The following TRPC5 variants were observed in gnomAD, a reference collection of about 807,000 sequenced individuals.
TRPC5 encodes short transient receptor potential channel 5.
A neutral mutation model predicts 56.5 loss-of-function variants in TRPC5; 9 were observed. That is an observed-to-expected ratio of 0.16 (90% CI 0.10 to 0.28). TRPC5 has a LOEUF of 0.28. TRPC5 is among the 10% of genes least tolerant of loss of function. TRPC5 has a pLI of 1.00. For synonymous variants in TRPC5, 282 were observed against 278.5 expected, an observed-to-expected ratio of 1.01 and a Z score of -0.13; for missense variants, 469 against 748.9, an observed-to-expected ratio of 0.63 and a Z score of 4.36.
At position 112,023,234 on chromosome X, in the gene TRPC5, G is replaced by GTTTTTTT. The variant is rs749260030; in HGVS notation, c.-22+58638_-22+58644dup. On this transcript the variant is annotated intron_variant, in intron 1 of 10. Transcript: ENST00000262839. The stretch of plus-strand genomic sequence containing the variant: ...CAGGCGTGAGCCACTGCGCCCAGCA[G>GTTTTTTT]TTTTTTTTTTTGTTTTTTTTTTTTT... Among the ~76,000 whole-genome samples the GTTTTTTT allele has an allele frequency of 3.9e-4, 18 of 45,959 alleles. 1 individual carries two copies. The highest frequency in any genetic ancestry group is 1.4e-3 in the African/African-American group (18 of 12,460). The allele number at this position is 45,959 out of a possible 115,157, so 39.9% of individuals were successfully genotyped here.
At chrX:111,809,897 G>T (rs993848145) in intron 7 of TRPC5, among the ~76,000 whole-genome samples, 36 of 105,321 alleles carry the variant, frequency 3.4e-4, no homozygotes, top group Middle Eastern at 4.7e-3. Flanking sequence ...TTTTTTTGTT[G>T]TTGTTGTTGT....
In TRPC5 at chrX:111,917,722, C is replaced by T. The variant is rs148879063; in HGVS notation, c.379-4910G>A. ...ATCAGCCTCTGCCTGCCCTTGTTTC[C>T]TCACAAGTGGCTCCACCTATCTACT... On this transcript the variant is annotated intron_variant, in intron 2 of 10. Coordinates refer to ENST00000262839, the MANE Select transcript of TRPC5 (RefSeq NM_012471.3). Among the ~76,000 whole-genome samples, 590 of 112,333 alleles carry T rather than the reference C, an allele frequency of 5.3e-3. 6 individuals are homozygous for T. The highest frequency in any genetic ancestry group is 0.018 in the African/African-American group (552 of 30,930).
intron 7 of TRPC5, among the ~76,000 whole-genome samples, chrX:111,817,557 C>T (rs1312442804): frequency 9.1e-6 from 1 of 110,135 alleles, no homozygotes; most frequent in Non-Finnish European, 1.9e-5. Context: ...AACTCCTGAC[C>T]TCGTGATCTG....
chrX:112,030,901 A>G (rs1929570396), intron 1 of TRPC5, among the ~76,000 whole-genome samples: 1 of 111,053 alleles, frequency 9.0e-6, no homozygotes, highest in Non-Finnish European at 1.9e-5. Context: ...GGTATTTTAT[A>G]TCTATCTCAC....
At chrX:111,910,570 C>T (rs772255008) in intron 3 of TRPC5, among the ~76,000 whole-genome samples, 11 of 112,489 alleles carry the variant, frequency 9.8e-5, no homozygotes, top group Non-Finnish European at 2.1e-4. Flanking sequence ...CTCACTCTAT[C>T]GCCCAGGCTG....
chrX:112,068,359 A>G (rs1325129943), intron 1 of TRPC5, among the ~76,000 whole-genome samples: 2 of 112,565 alleles, frequency 1.8e-5, no homozygotes, highest in Non-Finnish European at 1.9e-5. Flanking sequence ...GGTAGCAGGC[A>G]TTGTATGCAT....
intron 6 of TRPC5, among the ~76,000 whole-genome samples, chrX:111,844,330 T>A (rs1240374400): frequency 9.0e-6 from 1 of 111,374 alleles, no homozygotes; most frequent in African/African-American, 3.3e-5. Context: ...AGGCCACGTA[T>A]TCCCAGTATG....
intron 7 of TRPC5, among the ~76,000 whole-genome samples, chrX:111,808,082 C>T (rs1429650035): frequency 9.1e-6 from 1 of 109,711 alleles, no homozygotes; most frequent in Admixed American, 9.8e-5. Context: ...AGACCTGAAA[C>T]CAGCACAGCA....
chrX:111,962,442 A>G (rs925340855), intron 1 of TRPC5, among the ~76,000 whole-genome samples: 2 of 112,397 alleles, frequency 1.8e-5, no homozygotes, highest in African/African-American at 6.5e-5. Context: ...GAACCCTTCA[A>G]ATGATGGCCT....
intron 3 of TRPC5, among the ~76,000 whole-genome samples, chrX:111,877,070 T>C (rs1923983485): frequency 8.9e-6 from 1 of 111,759 alleles, no homozygotes; most frequent in Admixed American, 9.6e-5. Flanking sequence ...CTTTGCAGTT[T>C]GGAAGATGAA....
At chrX:111,984,113 T>C (rs555189496) in intron 1 of TRPC5, among the ~76,000 whole-genome samples, 2 of 111,637 alleles carry the variant, frequency 1.8e-5, no homozygotes, top group East Asian at 5.7e-4. Context: ...CAGTCTCTAC[T>C]AAGGCCCAGT....
At chrX:111,990,836 T>G (rs1928334665) in intron 1 of TRPC5, among the ~76,000 whole-genome samples, 1 of 111,931 alleles carries the variant, frequency 8.9e-6, no homozygotes, top group Admixed American at 9.5e-5. Flanking sequence ...ACTTCCATCT[T>G]TTGACAGAAA....
intron 6 of TRPC5, among the ~76,000 whole-genome samples, chrX:111,846,695 T>G (rs1478760297): frequency 8.9e-6 from 1 of 112,176 alleles, no homozygotes; most frequent in East Asian, 2.8e-4. Context: ...CCTTCCTTGA[T>G]TCACAATAGT....
At chrX:111,859,947 C>G (rs1253321032) in intron 3 of TRPC5, among the ~76,000 whole-genome samples, 4 of 113,121 alleles carry the variant, frequency 3.5e-5, no homozygotes, top group African/African-American at 6.4e-5. Flanking sequence ...CTCGCTCTGT[C>G]GCCCAGGCTG....
At chrX:112,002,062 C>T (rs980743856) in intron 1 of TRPC5, among the ~76,000 whole-genome samples, 1 of 111,135 alleles carries the variant, frequency 9.0e-6, no homozygotes, top group African/African-American at 3.3e-5. Flanking sequence ...TGCTTCTGTC[C>T]TTTATACCCT....
Position 111,854,005 on chromosome X carries a change from G to A in TRPC5, c.1002C>T (p.Cys334=), listed in dbSNP as rs780807735. The A allele has an allele frequency of 5.8e-6, 7 of 1,211,941 alleles. No homozygotes were observed. In the South Asian group the frequency reaches 1.2e-4, roughly 21 times the overall value. The change falls in exon 4 of 11, where the codon TGC becomes TGT. Residue 334 remains cysteine, a synonymous_variant. Transcript: ENST00000262839. ...TGGGAAACAGGAACCCAATGGTCAT[G>A]CAGGTTAGAAGCTTGACTACCCAGT... ...RKHWVVKLLT[C]MTIGFLFPML...
intron 5 of TRPC5, 57 bp from the exon 6 acceptor site, chrX:111,847,493 T>G: frequency 9.3e-7 from 1 of 1,074,786 alleles, no homozygotes. Context: ...TATAAAACTT[T>G]CCCTTTTTTC....
At chrX:112,018,468 G>A (rs1037021991) in intron 1 of TRPC5, among the ~76,000 whole-genome samples, 5 of 111,757 alleles carry the variant, frequency 4.5e-5, no homozygotes, top group Admixed American at 1.9e-4. Flanking sequence ...CTGTGGCTAC[G>A]TCATGTAATG....
intron 1 of TRPC5, among the ~76,000 whole-genome samples, chrX:111,954,162 T>C (rs115528507): frequency 0.022 from 2,464 of 112,574 alleles, 51 homozygotes; most frequent in African/African-American, 0.075. Context: ...ATACTAATTG[T>C]AGACTGCCTC....
Sources: allele counts gnomAD v4.1 joint callset (sites outside exome capture counted in the v4.1 genomes callset), GRCh38; gene constraint gnomAD v4.1.1; transcripts MANE v1.5; gene names NCBI Gene and HGNC (gene_info 2026-07-23, HGNC 2026-07-21).